The following FRMPD4 variants were observed in gnomAD, a reference collection of about 807,000 sequenced individuals.
The protein encoded by FRMPD4 is FERM and PDZ domain-containing protein 4.
In FRMPD4, 22 loss-of-function variants were observed where a neutral mutation model predicts 94.1. The observed-to-expected ratio is 0.23, with a 90% CI of 0.17 to 0.33. FRMPD4 has a LOEUF of 0.33. FRMPD4 is among the 10% of genes least tolerant of loss of function. FRMPD4 has a pLI of 1.00. For missense variants in FRMPD4, 1,111 were observed against 1,339.9 expected (o/e 0.83, Z 2.67); for synonymous variants, 631 against 548.6 (o/e 1.15, Z -2.10).
rs747429151 is a variant in FRMPD4 at position 12,310,856 on chromosome X, T to C, written c.41+171844T>C. Among the ~76,000 whole-genome samples, 9 of 112,622 alleles carry C rather than the reference T, an allele frequency of 8.0e-5. No homozygotes were observed. In the East Asian group the frequency reaches 1.7e-3, roughly 21 times the overall value. On this transcript the variant is annotated intron_variant, in intron 1 of 16. Coordinates refer to ENST00000675598, the MANE Select transcript of FRMPD4 (RefSeq NM_001368397.1). ...CCTCTCTAGATTTCTTGATGCTTTA[T>C]TTATCCTTGAACTTTCTTTCTGTTG...
At chrX:11,992,556 C>T (rs1311475721) in intron 3 of FRMPD4, among the ~76,000 whole-genome samples, 2 of 110,907 alleles carry the variant, frequency 1.8e-5, no homozygotes, top group East Asian at 2.8e-4. Flanking sequence ...AATTCCACTG[C>T]CTTTAGAGAA....
chrX:12,428,011 A>G (rs1051275093), intron 1 of FRMPD4, among the ~76,000 whole-genome samples: 4 of 92,834 alleles, frequency 4.3e-5, no homozygotes, highest in African/African-American at 4.2e-5. Context: ...CCGGGTTCAC[A>G]CCATTCTCCT....
chrX:11,952,608 T>C (rs2054230769), intron 3 of FRMPD4, among the ~76,000 whole-genome samples: 1 of 112,012 alleles, frequency 8.9e-6, no homozygotes, highest in South Asian at 3.8e-4. Context: ...TTTGCCCTGA[T>C]TTTTTGCATT....
chrX:12,640,890 G>T (rs2059493882), intron 4 of FRMPD4, among the ~76,000 whole-genome samples: 1 of 111,480 alleles, frequency 9.0e-6, no homozygotes, highest in South Asian at 3.8e-4. Flanking sequence ...ACCATTAAAA[G>T]GTGGGATTGA....
intron 1 of FRMPD4, among the ~76,000 whole-genome samples, chrX:11,850,275 C>G (rs2053613233): frequency 8.9e-6 from 1 of 112,037 alleles, no homozygotes; most frequent in Non-Finnish European, 1.9e-5. Flanking sequence ...AAGAAACAAA[C>G]AAAAAACAGA....
At chrX:12,036,339 T>C (rs936994730) in intron 3 of FRMPD4, among the ~76,000 whole-genome samples, 3 of 111,705 alleles carry the variant, frequency 2.7e-5, no homozygotes, top group African/African-American at 9.8e-5. Flanking sequence ...GACAATGTCA[T>C]AAAAGACAAA....
At chrX:12,327,466 G>A (rs748430387) in intron 1 of FRMPD4, among the ~76,000 whole-genome samples, 3 of 112,176 alleles carry the variant, frequency 2.7e-5, no homozygotes, top group Non-Finnish European at 5.6e-5. Flanking sequence ...GGCATTTGCT[G>A]AGTTTGTTTG....
intron 5 of FRMPD4, among the ~76,000 whole-genome samples, chrX:12,677,325 G>A (rs1316288439): frequency 7.2e-5 from 8 of 111,219 alleles, no homozygotes; most frequent in Admixed American, 4.8e-4. Flanking sequence ...TCTCTCCTCC[G>A]AGGTGTGGAA....
chrX:12,259,031 G>A (rs2054154371), intron 1 of FRMPD4, among the ~76,000 whole-genome samples: 1 of 111,743 alleles, frequency 8.9e-6, no homozygotes, highest in Non-Finnish European at 1.9e-5. Flanking sequence ...ATGTTCTTTA[G>A]AAGTAAATGT....
At chrX:12,417,451 C>T (rs1434211359) in intron 1 of FRMPD4, among the ~76,000 whole-genome samples, 1 of 107,456 alleles carries the variant, frequency 9.3e-6, no homozygotes, top group South Asian at 4.3e-4. Context: ...TGGTGGCAGG[C>T]ACCTGTAATC....
chrX:11,999,923 C>G (rs1423799724), intron 3 of FRMPD4, among the ~76,000 whole-genome samples: 1 of 111,685 alleles, frequency 9.0e-6, no homozygotes, highest in East Asian at 2.8e-4. Context: ...TATAGACGAG[C>G]CTTTCCTTGT....
At chrX:12,548,777 GGCA>G (rs2058504221) in intron 2 of FRMPD4, among the ~76,000 whole-genome samples, 1 of 112,133 alleles carries the variant, frequency 8.9e-6, no homozygotes, top group African/African-American at 3.2e-5. Flanking sequence ...AGTTGGGCCA[GGCA>G]GCAGATGTAG....
At chrX:12,251,599 C>G (rs999759056) in intron 1 of FRMPD4, among the ~76,000 whole-genome samples, 2 of 112,052 alleles carry the variant, frequency 1.8e-5, no homozygotes, top group Non-Finnish European at 1.9e-5. Context: ...GGCTTCCTCT[C>G]CCTCCTGGGC....
intron 2 of FRMPD4, among the ~76,000 whole-genome samples, chrX:11,865,537 T>C (rs988273461): frequency 1.8e-5 from 2 of 111,936 alleles, no homozygotes; most frequent in Admixed American, 1.9e-4. Context: ...TAAAGTGCAT[T>C]CCATAGATTT....
intron 3 of FRMPD4, among the ~76,000 whole-genome samples, chrX:11,992,218 G>A (rs1252054962): frequency 9.0e-6 from 1 of 111,313 alleles, no homozygotes; most frequent in Non-Finnish European, 1.9e-5. Context: ...TATTACATGA[G>A]CAATATGGGC....
At chrX:12,294,591 G>A (rs1183357801) in intron 1 of FRMPD4, among the ~76,000 whole-genome samples, 4 of 110,916 alleles carry the variant, frequency 3.6e-5, no homozygotes, top group African/African-American at 1.3e-4. Flanking sequence ...TATGATGTAT[G>A]TATGTCACAG....
intron 4 of FRMPD4, among the ~76,000 whole-genome samples, chrX:12,639,580 T>C (rs2059474833): frequency 8.9e-6 from 1 of 112,365 alleles, no homozygotes; most frequent in South Asian, 3.7e-4. Context: ...TTTATACTTA[T>C]GGACATCAAA....
intron 3 of FRMPD4, among the ~76,000 whole-genome samples, chrX:11,914,165 T>A (rs12852654): frequency 0.29 from 32,676 of 111,282 alleles, 3,959 homozygotes; most frequent in East Asian, 0.68. Context: ...TTGTCTTTTT[T>A]AAAAATGATT....
At chrX:12,061,143 G>A (rs2054883347) in intron 3 of FRMPD4, among the ~76,000 whole-genome samples, 1 of 111,751 alleles carries the variant, frequency 8.9e-6, no homozygotes, top group Admixed American at 9.5e-5. Context: ...TTAGAGCTTG[G>A]GTTATATATC....
Sources: gnomAD v4.1 joint callset for allele counts (sites outside exome capture counted in the v4.1 genomes callset) on GRCh38, gnomAD v4.1.1 for gene constraint, MANE v1.5 for transcripts, NCBI Gene and HGNC (gene_info 2026-07-23, HGNC 2026-07-21) for gene names.